NRG1: variants seen among roughly 807,000 people sequenced by gnomAD.
The protein encoded by NRG1 is neuregulin 1.
NRG1 carries 18 observed loss-of-function variants against 63.8 expected under a neutral mutation model. The ratio of observed to expected loss-of-function variants is 0.28; its 90% CI spans 0.19 to 0.42. NRG1 has a LOEUF of 0.42. Ranked by LOEUF, NRG1 falls within the 10% of genes least tolerant of loss-of-function variation. The pLI is 1.00. For synonymous variants in NRG1, 302 were observed against 301.3 expected (o/e 1.00, Z -0.02); for missense variants, 762 against 814.7 (o/e 0.94, Z 0.79).
intron 1 of NRG1, among the ~76,000 whole-genome samples, chr8:32,405,709 A>T (rs977179531): frequency 6.6e-6 from 1 of 152,204 alleles, no homozygotes; most frequent in South Asian, 2.1e-4. Context: ...ACAATTTTCA[A>T]ATCTCAGTTT....
At chr8:32,002,615 G>A (rs191499188) in intron 1 of NRG1, among the ~76,000 whole-genome samples, 74 of 151,956 alleles carry the variant, frequency 4.9e-4, no homozygotes, top group African/African-American at 1.8e-3. Flanking sequence ...TAGGCAACCA[G>A]TTCTTCAAGG....
At chr8:31,751,307 A>C (rs1313310274) in intron 1 of NRG1, among the ~76,000 whole-genome samples, 1 of 152,022 alleles carries the variant, frequency 6.6e-6, no homozygotes, top group East Asian at 1.9e-4. Flanking sequence ...GAGTGAAGGA[A>C]GGTTTCATTA....
intron 1 of NRG1, among the ~76,000 whole-genome samples, chr8:32,007,563 G>GAA (rs1421581655): frequency 6.6e-6 from 1 of 152,040 alleles, no homozygotes; most frequent in East Asian, 1.9e-4. Context: ...TTGCAATTGA[G>GAA]AAAACTGAGG....
At chr8:32,532,993 T>C (rs1831604159) in intron 1 of NRG1, among the ~76,000 whole-genome samples, 1 of 151,882 alleles carries the variant, frequency 6.6e-6, no homozygotes, top group African/African-American at 2.4e-5. Context: ...ATATAACCTA[T>C]GCCTTAGATT....
At position 32,017,670 on chromosome 8, in the gene NRG1, G is replaced by A. The variant is rs564875541; in HGVS notation, c.37+378239G>A. On this transcript the variant is annotated intron_variant, in intron 1 of 10. Transcript: ENST00000519301. ...GAGTAGCTAAGAGAACTCAGAAAAA[G>A]ACGTGACTCAGTTTGTTGTAAAGGA... Among the ~76,000 whole-genome samples, 8 of 152,304 alleles carry A rather than the reference G, an allele frequency of 5.3e-5. No individual in the cohort carries two copies. The South Asian group carries it at 1.5e-3, about 28-fold the overall frequency.
chr8:32,166,711 G>C (rs1423798572), intron 1 of NRG1, among the ~76,000 whole-genome samples: 3 of 152,224 alleles, frequency 2.0e-5, no homozygotes, highest in African/African-American at 7.2e-5. Context: ...AGAGGAAGGA[G>C]CTGGTGATCT....
chr8:32,436,461 G>A (rs1818799379), intron 1 of NRG1, among the ~76,000 whole-genome samples: 2 of 152,130 alleles, frequency 1.3e-5, no homozygotes, highest in South Asian at 4.1e-4. Context: ...AAAGGATTAG[G>A]AGCTTAAGTT....
At chr8:31,741,848 A>C (rs1815309568) in intron 1 of NRG1, among the ~76,000 whole-genome samples, 1 of 152,020 alleles carries the variant, frequency 6.6e-6, no homozygotes, top group South Asian at 2.1e-4. Context: ...TATGCTGTCT[A>C]GAAACTTCTG....
chr8:32,619,895 T>C (rs1305719673), intron 5 of NRG1, among the ~76,000 whole-genome samples: 1 of 152,162 alleles, frequency 6.6e-6, no homozygotes, highest in African/African-American at 2.4e-5. Context: ...CTCATGAAAA[T>C]ATGCTCTTCA....
At chr8:32,692,799 T>C (rs1589238236) in intron 5 of NRG1, among the ~76,000 whole-genome samples, 1 of 152,132 alleles carries the variant, frequency 6.6e-6, no homozygotes, top group Non-Finnish European at 1.5e-5. Context: ...TAGAGCACCA[T>C]GATGGGCAGG....
intron 1 of NRG1, among the ~76,000 whole-genome samples, chr8:31,805,359 C>T (rs189241900): frequency 5.9e-5 from 9 of 151,560 alleles, no homozygotes; most frequent in South Asian, 2.1e-4. Flanking sequence ...TAAACAAGAC[C>T]GTATCATGAA....
intron 1 of NRG1, among the ~76,000 whole-genome samples, chr8:32,276,658 C>T (rs1055810867): frequency 6.6e-6 from 1 of 152,114 alleles, no homozygotes; most frequent in Non-Finnish European, 1.5e-5. Flanking sequence ...GTATGCACCA[C>T]CACACCCTGC....
intron 5 of NRG1, among the ~76,000 whole-genome samples, chr8:32,623,998 G>C (rs1848760990): frequency 6.6e-6 from 1 of 152,128 alleles, no homozygotes. Context: ...TATAGATATA[G>C]ATCATTGATA....
chr8:31,755,031 A>G (rs1453819254), intron 1 of NRG1, among the ~76,000 whole-genome samples: 2 of 151,994 alleles, frequency 1.3e-5, no homozygotes, highest in Non-Finnish European at 2.9e-5. Flanking sequence ...GGGCACTGCT[A>G]GTTTTGTAGT....
chr8:32,106,984 C>G (rs912546481), intron 1 of NRG1, among the ~76,000 whole-genome samples: 3 of 152,020 alleles, frequency 2.0e-5, no homozygotes, highest in African/African-American at 7.2e-5. Flanking sequence ...GTACTTTGCC[C>G]GAGATGGGCA....
chr8:32,350,722 G>A (rs1386434), intron 1 of NRG1, among the ~76,000 whole-genome samples: 77,727 of 151,546 alleles, frequency 0.51, 20,946 homozygotes, highest in Non-Finnish European at 0.61. Context: ...CTTATATCCT[G>A]TATAATAAAA....
At chr8:31,866,515 A>C (rs118156160) in intron 1 of NRG1, among the ~76,000 whole-genome samples, 39 of 152,324 alleles carry the variant, frequency 2.6e-4, no homozygotes, top group Middle Eastern at 6.8e-3. Flanking sequence ...AAGGAAAGAG[A>C]AACAGAGACT....
At chr8:32,318,909 T>A (rs918721007) in intron 1 of NRG1, among the ~76,000 whole-genome samples, 10 of 152,088 alleles carry the variant, frequency 6.6e-5, no homozygotes, top group Admixed American at 2.6e-4. Context: ...AGCACTTGAG[T>A]AAAATTCAAC....
intron 1 of NRG1, among the ~76,000 whole-genome samples, chr8:31,688,020 A>G (rs1201081997): frequency 2.6e-5 from 4 of 152,174 alleles, no homozygotes; most frequent in African/African-American, 4.8e-5. Flanking sequence ...TGTTTCTCCT[A>G]TGTCTGCTGC....
Sources: gnomAD v4.1 joint callset for allele counts (sites outside exome capture counted in the v4.1 genomes callset) on GRCh38, gnomAD v4.1.1 for gene constraint, MANE v1.5 for transcripts, NCBI Gene and HGNC (gene_info 2026-07-23, HGNC 2026-07-21) for gene names.